The following YY1 variants were observed in gnomAD, a reference collection of about 807,000 sequenced individuals.
YY1 encodes the protein YY1 transcription factor.
YY1 carries 2 observed loss-of-function variants against 35.6 expected under a neutral mutation model. That is an observed-to-expected ratio of 0.06 (90% CI 0.02 to 0.18). YY1 has a LOEUF of 0.18. Among genes scored for constraint, YY1 ranks in the 10% least tolerant of loss-of-function variants. The pLI, the probability that YY1 is intolerant of heterozygous loss-of-function variation, is 1.00. For missense variants in YY1, 322 were observed against 573.4 expected (o/e 0.56, Z 4.48); for synonymous variants, 268 against 238.9 (o/e 1.12, Z -1.12).
rs1891456529 is a variant in YY1, at chr14:100,282,567, T to C, written c.*4967T>C. On this transcript the variant is annotated 3_prime_UTR_variant, in exon 5 of 5. Coordinates refer to ENST00000262238, the MANE Select transcript of YY1 (RefSeq NM_003403.5). ...CCTGGCTCAAGGACTTAGCATTTCG[T>C]CTCATGTACATCTTTTTCTTAAGTG... The C allele has an allele frequency of 6.6e-6, 1 of 152,200 alleles. No individual in the cohort carries two copies. The highest frequency in any genetic ancestry group is 1.5e-5 in the Non-Finnish European group (1 of 68,034). The allele number at this position is 152,200 out of a possible 1,614,324, so 9.4% of individuals were successfully genotyped here.
In YY1 at chr14:100,239,868, G is replaced by T; in HGVS notation, c.624G>T (p.Lys208Asn). 2.0e-6 allele frequency: 3 copies of T among 1,527,646 alleles called. No homozygotes were observed. Among genetic ancestry groups the T allele is most frequent in the Non-Finnish European group, 1.8e-6 (2 of 1,140,474 alleles). The allele number at this position is 1,527,646 out of a possible 1,614,324, so 94.6% of individuals were successfully genotyped here. A position where few individuals can be genotyped will look rare whatever the true frequency, so the allele number is the denominator to read the frequency against. ...CGGGCAACAAGAAGTGGGAGCAGAA[G>T]CAGGTGCAGATCAAGACCCTGGAGG... Reference protein sequence around the residue: ...ADPGNKKWEQKQVQIKTLEGE... With the variant: ...ADPGNKKWEQNQVQIKTLEGE... The change falls in exon 1 of 5, where the codon AAG (lysine) becomes AAT (asparagine). Residue 208 changes from lysine to asparagine, a missense_variant. Coordinates refer to ENST00000262238, the MANE Select transcript of YY1 (RefSeq NM_003403.5).
chr14:100,249,100 A>ATTTTTTTTTTTTTTTTTTTTT (rs60088505), intron 1 of YY1, among the ~76,000 whole-genome samples: 1 of 46,766 alleles, frequency 2.1e-5, no homozygotes, highest in Non-Finnish European at 4.0e-5. Context: ...TTCTCGTGTA[A>ATTTTTTTTTTTTTTTTTTTTT]TTTTTTTTTT....
chr14:100,255,758 T>A (rs1426267103), intron 1 of YY1, among the ~76,000 whole-genome samples: 1 of 152,136 alleles, frequency 6.6e-6, no homozygotes, highest in Non-Finnish European at 1.5e-5. Flanking sequence ...GCAAACTGCT[T>A]TTGCTGTATG....
chr14:100,258,291 G>A (rs972139546), intron 1 of YY1, among the ~76,000 whole-genome samples: 1 of 152,104 alleles, frequency 6.6e-6, no homozygotes, highest in Admixed American at 6.6e-5. Flanking sequence ...GGCAGCCCTG[G>A]GAACAGGAAT....
Position 100,279,879 on chromosome 14 carries a change from G to A in YY1, c.*2279G>A, listed in dbSNP as rs1371824943. 3.9e-5 allele frequency: 6 copies of A among 152,380 alleles called. No individual in the cohort carries two copies. The highest frequency in any genetic ancestry group is 1.4e-4 in the African/African-American group (6 of 41,466). The allele number at this position is 152,380 out of a possible 1,614,324, so 9.4% of individuals were successfully genotyped here. ...CCCTGCTGGCAGCCCCGAGAGCCAT[G>A]CCATGGCCTGCAGGAGCCAGGCTCC... On this transcript the variant is annotated 3_prime_UTR_variant, in exon 5 of 5. Transcript: ENST00000262238.
chr14:100,274,331 G>A (rs1891289678), intron 2 of YY1, among the ~76,000 whole-genome samples: 1 of 152,126 alleles, frequency 6.6e-6, no homozygotes, highest in Non-Finnish European at 1.5e-5. Context: ...CCTCTCACAA[G>A]GAGATTCATC....
At position 100,241,634 on chromosome 14, in the gene YY1, T is replaced by C. The variant is rs141408327; in HGVS notation, c.679+1711T>C. The stretch of plus-strand genomic sequence containing the variant: ...TGGTTATCAAAAGATAATTTCCATG[T>C]ATTTTGGTAGCTCAAGAGATTACAT... On this transcript the variant is annotated intron_variant, in intron 1 of 4. Coordinates refer to ENST00000262238, the MANE Select transcript of YY1 (RefSeq NM_003403.5). Among the ~76,000 whole-genome samples, 12 of 152,332 alleles carry C rather than the reference T, an allele frequency of 7.9e-5. 1 individual carries two copies. The East Asian group carries it at 1.7e-3, about 22-fold the overall frequency.
At chr14:100,272,280 A>G (rs1422995769) in intron 2 of YY1, among the ~76,000 whole-genome samples, 11 of 143,272 alleles carry the variant, frequency 7.7e-5, no homozygotes, top group African/African-American at 1.1e-4. Context: ...TGGGTGACAG[A>G]GTGAGACTCT....
rs1891430736 is a variant in YY1 at position 100,281,494 on chromosome 14, C to T, written c.*3894C>T. The T allele has an allele frequency of 6.6e-6, 1 of 152,200 alleles. No homozygotes were observed. 9.4% of individuals were successfully genotyped at this position (152,200 alleles called of 1,614,324 possible). ...GGATACACTGACAGTAATGTGAGCG[C>T]AGCACTTCAGAGTTCAGGCCCAGCA... is the stretch of plus-strand genomic sequence containing the variant. On this transcript the variant is annotated 3_prime_UTR_variant, in exon 5 of 5. Transcript: ENST00000262238.
At chr14:100,252,548 A>G (rs1890939345) in intron 1 of YY1, among the ~76,000 whole-genome samples, 1 of 152,204 alleles carries the variant, frequency 6.6e-6, no homozygotes, top group South Asian at 2.1e-4. Context: ...GTGAGTGAGC[A>G]CTGTAGTCAC....
chr14:100,258,852 G>A (rs1383157318), intron 1 of YY1, among the ~76,000 whole-genome samples: 1 of 152,260 alleles, frequency 6.6e-6, no homozygotes, highest in Non-Finnish European at 1.5e-5. Context: ...GCTTTTCATT[G>A]CTGAGAGTGA....
chr14:100,276,337 T>G lies in YY1; in HGVS notation c.904-153T>G. 1 of 1,007,268 alleles carries G rather than the reference T, an allele frequency of 9.9e-7. No individual in the cohort carries two copies. Among genetic ancestry groups the G allele is most frequent in the Non-Finnish European group, 1.5e-6 (1 of 684,504 alleles). 62.4% of individuals were successfully genotyped at this position (1,007,268 alleles called of 1,614,324 possible). The stretch of plus-strand genomic sequence containing the variant: ...TCAGCTGTCTGCTTTTTGTCTTAAA[T>G]GATATTAATGTTCTACCGTAATACT... On this transcript the variant is annotated intron_variant, in intron 3 of 4. Transcript: ENST00000262238. This position sits in a 1 kb window ranked among gnomAD's most constrained non-coding sequence, Gnocchi z 4.1.
At chr14:100,240,932 C>G (rs542524226) in intron 1 of YY1, among the ~76,000 whole-genome samples, 2 of 151,958 alleles carry the variant, frequency 1.3e-5, no homozygotes, top group Non-Finnish European at 2.9e-5. Context: ...AGAAAGGTAT[C>G]TATTTTCCCC....
intron 1 of YY1, among the ~76,000 whole-genome samples, chr14:100,243,594 A>G (rs372098596): frequency 1.3e-5 from 2 of 151,942 alleles, no homozygotes; most frequent in Non-Finnish European, 2.9e-5. Context: ...GGAGTTCGAG[A>G]TGAACCTTGG....
At chr14:100,256,417 T>C (rs976824037) in intron 1 of YY1, among the ~76,000 whole-genome samples, 3 of 152,188 alleles carry the variant, frequency 2.0e-5, no homozygotes, top group Non-Finnish European at 2.9e-5. Flanking sequence ...TCCCTGTTCC[T>C]CCCCAACCCA....
At chr14:100,256,312 C>T (rs1235863560) in intron 1 of YY1, among the ~76,000 whole-genome samples, 1 of 152,178 alleles carries the variant, frequency 6.6e-6, no homozygotes. Flanking sequence ...ATCTTCTGCA[C>T]ATCATCTCTT....
intron 2 of YY1, among the ~76,000 whole-genome samples, chr14:100,272,897 A>G (rs953970069): frequency 2.7e-5 from 4 of 147,144 alleles, no homozygotes; most frequent in Non-Finnish European, 6.0e-5. Flanking sequence ...ACCGCGTTTG[A>G]TTTTCCATTC....
chr14:100,249,748 GTTTTT>G (rs57119106), intron 1 of YY1, among the ~76,000 whole-genome samples: 1 of 141,032 alleles, frequency 7.1e-6, no homozygotes, highest in African/African-American at 2.7e-5. Context: ...GCTACTTACC[GTTTTT>G]TTTTTTGTTT....
intron 2 of YY1, among the ~76,000 whole-genome samples, chr14:100,266,748 A>G (rs1891162332): frequency 6.6e-6 from 1 of 152,204 alleles, no homozygotes; most frequent in East Asian, 1.9e-4. Flanking sequence ...GTAGCAGGGG[A>G]TAATTAGAGA....
Sources: allele counts gnomAD v4.1 joint callset (sites outside exome capture counted in the v4.1 genomes callset), GRCh38; gene constraint gnomAD v4.1.1; non-coding constraint Gnocchi (gnomAD v3.1); transcripts MANE v1.5; gene names NCBI Gene and HGNC (gene_info 2026-07-23, HGNC 2026-07-21).